The following C12orf42 variants were observed in gnomAD, a reference collection of about 807,000 sequenced individuals.
C12orf42 encodes uncharacterized protein C12orf42.
Under a neutral mutation model 21.6 loss-of-function variants are expected in C12orf42, and 25 were observed. That is an observed-to-expected ratio of 1.16 (90% CI 0.84 to 1.62). C12orf42 has a LOEUF of 1.62. Among genes scored for constraint, C12orf42 ranks in the 40% most tolerant of loss-of-function variants. The pLI, the probability that C12orf42 is intolerant of heterozygous loss-of-function variation, is 0.00. For synonymous variants in C12orf42, 174 were observed against 175.0 expected (o/e 0.99, Z 0.05); for missense variants, 483 against 459.3 (o/e 1.05, Z -0.47).
chr12:103,454,859 G>A (rs1218590297), intron 2 of C12orf42, among the ~76,000 whole-genome samples: 1 of 152,100 alleles, frequency 6.6e-6, no homozygotes, highest in African/African-American at 2.4e-5. Context: ...TGAACAGCAC[G>A]TGTCTCACAC....
chr12:103,294,428 G>GAGAGAGAAAGAA (rs754499754), intron 4 of C12orf42, among the ~76,000 whole-genome samples: 2 of 96,020 alleles, frequency 2.1e-5, no homozygotes, highest in South Asian at 3.9e-4. Flanking sequence ...AAAGGAGAGA[G>GAGAGAGAAAGAA]AGAAAGAAAG....
chr12:103,261,030 T>C (rs1002735674), intron 10 of C12orf42, among the ~76,000 whole-genome samples: 14 of 152,188 alleles, frequency 9.2e-5, no homozygotes, highest in Non-Finnish European at 1.8e-4. Flanking sequence ...GTTGTATTGG[T>C]TATGCTAAAA....
chr12:103,541,028 C>T, the C12orf42 span, among the ~76,000 whole-genome samples: 6 of 152,048 alleles, frequency 3.9e-5, no homozygotes, highest in African/African-American at 7.2e-5. Context: ...CTCAGCCTCC[C>T]GAGTAGCTGG....
In C12orf42 at chr12:103,302,196, G is replaced by A; in HGVS notation, c.995C>T (p.Ser332Phe). 1.9e-6 allele frequency: 3 copies of A among 1,612,718 alleles called. No individual in the cohort carries two copies. Among genetic ancestry groups the A allele is most frequent in the Non-Finnish European group, 2.5e-6 (3 of 1,179,430 alleles). ...FPSKRLIKVC[S>F]SAPPRPTRRF... ...CCGGGTTGGGCGGGGGGGTGCTGAGGAGCAAACCTTTATTAACCTCTTGGA... is the reference window on the plus strand; with the variant it reads ...CCGGGTTGGGCGGGGGGGTGCTGAGAAGCAAACCTTTATTAACCTCTTGGA... Residue 332 changes from serine (S) to phenylalanine (F), a missense_variant, in exon 6 of 6, where the codon TCC (serine) becomes TTC (phenylalanine). Physicochemically the swap from Ser to Phe is radical, Grantham distance 155. Coordinates refer to ENST00000548883, the MANE Select transcript of C12orf42 (RefSeq NM_198521.5).
intron 4 of C12orf42, among the ~76,000 whole-genome samples, chr12:103,354,483 A>G (rs2043355281): frequency 6.6e-6 from 1 of 152,144 alleles, no homozygotes; most frequent in Admixed American, 6.6e-5. Context: ...ATAACAATCA[A>G]TGCGGTTCAT....
chr12:103,116,344 A>T, the C12orf42 span, among the ~76,000 whole-genome samples: 1 of 149,174 alleles, frequency 6.7e-6, no homozygotes. Context: ...AGCCTGGGCA[A>T]CAAGAGTAAA....
chr12:103,196,467 G>A, the C12orf42 span, among the ~76,000 whole-genome samples: 1 of 152,110 alleles, frequency 6.6e-6, no homozygotes, highest in Non-Finnish European at 1.5e-5. Context: ...GTCAAGTACT[G>A]AGTTTATGTC....
the C12orf42 span, among the ~76,000 whole-genome samples, chr12:103,215,390 C>T: frequency 6.6e-6 from 1 of 151,636 alleles, no homozygotes; most frequent in Non-Finnish European, 1.5e-5. Context: ...TAAAATATTT[C>T]TCAGGGATTT....
the C12orf42 span, among the ~76,000 whole-genome samples, chr12:103,166,177 G>C: frequency 6.6e-6 from 1 of 152,128 alleles, no homozygotes; most frequent in South Asian, 2.1e-4. Context: ...TCCCAGCAAG[G>C]ACTCTGAGAC....
intron 2 of C12orf42, among the ~76,000 whole-genome samples, chr12:103,433,651 C>A (rs774005962): frequency 1.3e-5 from 2 of 152,146 alleles, no homozygotes; most frequent in Non-Finnish European, 2.9e-5. Flanking sequence ...TTTTCTCTAA[C>A]AAAAGAGTGG....
At chr12:103,396,900 C>G (rs1483184468) in intron 3 of C12orf42, among the ~76,000 whole-genome samples, 1 of 152,084 alleles carries the variant, frequency 6.6e-6, no homozygotes, top group African/African-American at 2.4e-5. Context: ...AAAATTGAAG[C>G]CCATTGGAAG....
intron 4 of C12orf42, among the ~76,000 whole-genome samples, chr12:103,327,110 T>G (rs76634810): frequency 0.024 from 3,646 of 152,272 alleles, 130 homozygotes; most frequent in African/African-American, 0.081. Context: ...GGCACAGCAG[T>G]TGGAAGCTGG....
intron 4 of C12orf42, among the ~76,000 whole-genome samples, chr12:103,368,317 T>TCTCA (rs1555271889): frequency 0.16 from 23,458 of 146,384 alleles, 3,045 homozygotes; most frequent in African/African-American, 0.38. Context: ...TCTCTCTCTC[T>TCTCA]CACACACACA....
At chr12:103,311,114 G>A (rs2038931777) in intron 4 of C12orf42, among the ~76,000 whole-genome samples, 1 of 152,048 alleles carries the variant, frequency 6.6e-6, no homozygotes, top group African/African-American at 2.4e-5. Context: ...CTTATGACCT[G>A]TGCACTAAAG....
At chr12:103,477,030 G>A (rs1477856472) in intron 2 of C12orf42, 1 of 152,084 alleles carries the variant, frequency 6.6e-6, no homozygotes, top group Admixed American at 6.5e-5. Flanking sequence ...GTGATGTTAA[G>A]GGATGAAATT....
At chr12:103,518,937 T>C in the C12orf42 span, among the ~76,000 whole-genome samples, 1 of 152,142 alleles carries the variant, frequency 6.6e-6, no homozygotes, top group Non-Finnish European at 1.5e-5. Flanking sequence ...GTTGATATGG[T>C]GAGGCTTTGT....
At chr12:103,149,594 C>T in the C12orf42 span, among the ~76,000 whole-genome samples, 15 of 152,012 alleles carry the variant, frequency 9.9e-5, no homozygotes, top group Admixed American at 9.8e-4. Context: ...CCCCATGTTG[C>T]TCTCATGATA....
intron 1 of C12orf42, among the ~76,000 whole-genome samples, chr12:103,481,756 A>G (rs1297070404): frequency 1.3e-5 from 2 of 150,036 alleles, no homozygotes; most frequent in Non-Finnish European, 1.5e-5. Context: ...ACCATCTTGT[A>G]TGTGCTTTCT....
chr12:103,439,253 C>T (rs1224497926), intron 2 of C12orf42, among the ~76,000 whole-genome samples: 3 of 151,660 alleles, frequency 2.0e-5, no homozygotes, highest in Non-Finnish European at 2.9e-5. Flanking sequence ...ATACAAAAAT[C>T]AATTCAAGAT....
Sources: allele counts gnomAD v4.1 joint callset (sites outside exome capture counted in the v4.1 genomes callset), GRCh38; gene constraint gnomAD v4.1.1; transcripts MANE v1.5; gene names NCBI Gene and HGNC (gene_info 2026-07-23, HGNC 2026-07-21).